ATP4A: variants seen among roughly 807,000 people sequenced by gnomAD.
The protein encoded by ATP4A is potassium-transporting ATPase alpha chain 1.
Under a neutral mutation model 112.1 loss-of-function variants are expected in ATP4A, and 73 were observed. The ratio of observed to expected loss-of-function variants is 0.65; its 90% CI spans 0.54 to 0.79. ATP4A has a LOEUF of 0.79. Ranked by LOEUF, ATP4A falls within the 30% of genes least tolerant of loss-of-function variation. ATP4A has a pLI of 0.00. For synonymous variants in ATP4A, 588 were observed against 588.9 expected (o/e 1.00, Z 0.02); for missense variants, 1,081 against 1,425.9 (o/e 0.76, Z 3.90).
Position 35,550,845 on chromosome 19 carries a change from C to A in ATP4A, c.3068G>T (p.Cys1023Phe). 1 of 1,614,082 alleles carries A rather than the reference C, an allele frequency of 6.2e-7. No homozygotes were observed. Among genetic ancestry groups the A allele is most frequent in the Non-Finnish European group, 8.5e-7 (1 of 1,179,942 alleles). ...YDEIRKLGVR[C>F]CPGSWWDQEL... ...GTCTCCACACTCACTCCCTGGGCAA[C>A]AGCGAACTCCAAGCTTCCGGATCTC... is the stretch of plus-strand genomic sequence containing the variant. Residue 1023 changes from cysteine to phenylalanine, a missense_variant, in exon 21 of 22, where the codon TGT becomes TTT. Cys to Phe is a radical substitution (Grantham distance 205). This residue lies in a region of ATP4A where 219 missense variants were observed against 320.9 expected (regional missense o/e 0.68). Transcript: ENST00000262623. This position sits in a 1 kb window ranked among gnomAD's most constrained non-coding sequence, Gnocchi z 4.1.
Position 35,559,297 on chromosome 19 carries a change from G to A in ATP4A, c.1057-106C>T, listed in dbSNP as rs761379505. ...CTTTACCCCAGCCGCGGGGCTGCGT[G>A]TGCAACGTGCTTCTGCAAACACCAG... On this transcript the variant is annotated intron_variant, in intron 7 of 21. Transcript: ENST00000262623. The surrounding 1 kb of genome is among the most constrained non-coding windows in gnomAD (Gnocchi z 4.1). 4 of 1,196,432 alleles carry A rather than the reference G, an allele frequency of 3.3e-6. No homozygotes were observed. The highest frequency in any genetic ancestry group is 4.8e-6 in the Non-Finnish European group (4 of 833,902). The allele number at this position is 1,196,432 out of a possible 1,614,324, so 74.1% of individuals were successfully genotyped here.
chr19:35,553,315 G>C (rs1410758471), intron 17 of ATP4A, 133 bp from the exon 18 acceptor site: 7 of 1,067,406 alleles, frequency 6.6e-6, no homozygotes, highest in Non-Finnish European at 7.9e-6. Flanking sequence ...CACGGGAAGA[G>C]AGACAGGGAC....
chr19:35,554,789 G>A, intron 16 of ATP4A, 133 bp downstream of exon 16: 1 of 1,303,366 alleles, frequency 7.7e-7, no homozygotes, highest in Admixed American at 2.1e-5. Context: ...TGCACTGGCT[G>A]TCATTGCACA....
Position 35,553,734 on chromosome 19 carries a change from G to T in ATP4A, c.2577C>A (p.Pro859=). Residue 859 remains proline (P), a synonymous_variant, in exon 17 of 22, where the codon CCC becomes CCA. Coordinates refer to ENST00000262623, the MANE Select transcript of ATP4A (RefSeq NM_000704.3). The part of the protein sequence containing the change: ...NPKRDRLVNE[P]LAAYSYFQIG... Reference sequence around the variant, plus strand: ...TCTGGAAGTAGGAGTAGGCAGCCAGGGGCTCGTTGACCAATCTGTCACGCT... The same window carrying T: ...TCTGGAAGTAGGAGTAGGCAGCCAGTGGCTCGTTGACCAATCTGTCACGCT... 6.2e-7 allele frequency: 1 copy of T among 1,613,684 alleles called. No individual in the cohort carries two copies. The highest frequency in any genetic ancestry group is 1.1e-5 in the South Asian group (1 of 90,972).
Position 35,553,117 on chromosome 19 carries a change from G to A in ATP4A, c.2671C>T (p.Pro891Ser). Reference protein sequence around the residue: ...FTAMAQEGWFPLLCVGLRAQW... With the variant: ...FTAMAQEGWFSLLCVGLRAQW... ...GCCCGCAGCCCCACGCACAGCAGTG[G>A]GAACCAGCCCTCCTGGGCCATTGCC... Residue 891 changes from proline to serine, a missense_variant, in exon 18 of 22, where the codon CCA becomes TCA. By Grantham distance (74) the Pro-to-Ser change is moderately conservative. Transcript: ENST00000262623. 6.2e-7 allele frequency: 1 copy of A among 1,611,188 alleles called. No homozygotes were observed. Among genetic ancestry groups the A allele is most frequent in the South Asian group, 1.1e-5 (1 of 90,968 alleles).
At position 35,559,589 on chromosome 19, in the gene ATP4A, C is replaced by T. The variant is rs1445757509; in HGVS notation, c.1056+216G>A. ...CCTCTTCCAGTTAAGGACCCGGCCT[C>T]GTCATCTCTGCGCCCTCAATGTGTG... On this transcript the variant is annotated intron_variant, in intron 7 of 21. Coordinates refer to ENST00000262623, the MANE Select transcript of ATP4A (RefSeq NM_000704.3). The surrounding 1 kb of genome is among the most constrained non-coding windows in gnomAD (Gnocchi z 4.1). Among the ~76,000 whole-genome samples, 2 of 152,350 alleles carry T rather than the reference C, an allele frequency of 1.3e-5. No homozygotes were observed. The highest frequency in any genetic ancestry group is 3.9e-4 in the East Asian group (2 of 5,188).
Position 35,563,501 on chromosome 19 carries a change from C to G in ATP4A, c.39G>C (p.Glu13Asp). Residue 13 changes from glutamate to aspartate, a missense_variant, in exon 2 of 22, where the codon GAG becomes GAC. By Grantham distance (45) the Glu-to-Asp change is conservative (BLOSUM62 2). Around this residue, in one of 3 missense-constraint regions of ATP4A, gnomAD observed 850 missense variants for 1,068.2 expected, o/e 0.80. Transcript: ENST00000262623. ...TGTCCCCGCCAGGGCCAGGACCCAG[C>G]TCCACCGAGTAGAGCTCATAGTTCT... ...KAENYELYSV[E>D]LGPGPGGDMA... 1 of 1,614,094 alleles carries G rather than the reference C, an allele frequency of 6.2e-7. No individual in the cohort carries two copies. The highest frequency in any genetic ancestry group is 8.5e-7 in the Non-Finnish European group (1 of 1,180,018).
In ATP4A at chr19:35,553,129, C is replaced by T; in HGVS notation, c.2659G>A (p.Glu887Lys). ...ACGCACAGCAGTGGGAACCAGCCCT[C>T]CTGGGCCATTGCCGTGAAGTAGTCA... ...FTDYFTAMAQ[E>K]GWFPLLCVGL... The change falls in exon 18 of 22, where the codon GAG (glutamate) becomes AAG (lysine). Residue 887 changes from glutamate to lysine, a missense_variant. This residue lies in a region of ATP4A where 219 missense variants were observed against 320.9 expected (regional missense o/e 0.68). Coordinates refer to ENST00000262623, the MANE Select transcript of ATP4A (RefSeq NM_000704.3). 6.2e-7 allele frequency: 1 copy of T among 1,610,164 alleles called. No homozygotes were observed. The highest frequency in any genetic ancestry group is 8.5e-7 in the Non-Finnish European group (1 of 1,176,766).
chr19:35,558,500 G>A lies in ATP4A; in HGVS notation c.1366-4C>T. ...ATGCGTCTCCAATCACGATGCGCTG[G>A]GAGCGGGGACCGGTGTCAGGGGCGA... On this transcript the variant is annotated splice_region_variant and splice_polypyrimidine_tract_variant and intron_variant, in intron 9 of 21. Transcript: ENST00000262623. This position sits in a 1 kb window ranked among gnomAD's most constrained non-coding sequence, Gnocchi z 5.1. 1 of 1,593,782 alleles carries A rather than the reference G, an allele frequency of 6.3e-7. No homozygotes were observed. The highest frequency in any genetic ancestry group is 8.5e-7 in the Non-Finnish European group (1 of 1,171,016).
intron 16 of ATP4A, 110 bp downstream of exon 16, chr19:35,554,812 C>A: frequency 6.8e-7 from 1 of 1,464,896 alleles, no homozygotes; most frequent in Non-Finnish European, 9.4e-7. Flanking sequence ...CAGGTCTTGT[C>A]TGTCACTCTG....
Position 35,550,358 on chromosome 19 carries a change from C to T in ATP4A, c.*257G>A. The T allele has an allele frequency of 3.6e-6, 2 of 551,850 alleles. No homozygotes were observed. The highest frequency in any genetic ancestry group is 6.5e-6 in the Non-Finnish European group (2 of 309,818). 34.2% of individuals were successfully genotyped at this position (551,850 alleles called of 1,614,324 possible). On this transcript the variant is annotated 3_prime_UTR_variant, in exon 22 of 22. Transcript: ENST00000262623. The surrounding 1 kb of genome is among the most constrained non-coding windows in gnomAD (Gnocchi z 4.1). ...CTCCCTGTCAGAGCCCCACCGCCACCACAGGTGGCGGCTTTCCCGAGGCCA... is the reference window on the plus strand; with the variant it reads ...CTCCCTGTCAGAGCCCCACCGCCACTACAGGTGGCGGCTTTCCCGAGGCCA...
chr19:35,555,088 G>A lies in ATP4A; in HGVS notation c.2327-12C>T, dbSNP rs1193106604. 1 of 1,612,824 alleles carries A rather than the reference G, an allele frequency of 6.2e-7. No homozygotes were observed. The highest frequency in any genetic ancestry group is 1.3e-5 in the African/African-American group (1 of 74,874). Reference sequence around the variant, plus strand: ...GAAGATCAGTCGACCTGTGGGGTAGGGTGGGCACCTCAGCCTCCTCACAGC... The same window carrying A: ...GAAGATCAGTCGACCTGTGGGGTAGAGTGGGCACCTCAGCCTCCTCACAGC... On this transcript the variant is annotated splice_polypyrimidine_tract_variant and intron_variant, in intron 15 of 21. Transcript: ENST00000262623. The surrounding 1 kb of genome is among the most constrained non-coding windows in gnomAD (Gnocchi z 6.6).
chr19:35,553,622 G>A (rs2251124), intron 17 of ATP4A, 84 bp downstream of exon 17: 986,164 of 1,549,006 alleles, frequency 0.64, 315,414 homozygotes, highest in East Asian at 0.76. Flanking sequence ...AGAACCAGCC[G>A]GAGCCCAAGG....
At position 35,558,016 on chromosome 19, in the gene ATP4A, C is replaced by T. The variant is rs1323695078; in HGVS notation, c.1501-169G>A. The T allele has an allele frequency of 6.3e-6, 4 of 637,794 alleles. No homozygotes were observed. The highest frequency in any genetic ancestry group is 1.1e-5 in the Non-Finnish European group (4 of 378,028). The allele number at this position is 637,794 out of a possible 1,614,324, so 39.5% of individuals were successfully genotyped here. ...AGATGGAGGCCTTGTGTGGAGGGGT[C>T]CTTGGTAGAAGGTAAGCGTTAAGGC... On this transcript the variant is annotated intron_variant, in intron 10 of 21. Coordinates refer to ENST00000262623, the MANE Select transcript of ATP4A (RefSeq NM_000704.3). This position sits in a 1 kb window ranked among gnomAD's most constrained non-coding sequence, Gnocchi z 5.1.
At position 35,551,657 on chromosome 19, in the gene ATP4A, A is replaced by T; in HGVS notation, c.2752-77T>A. On this transcript the variant is annotated intron_variant, in intron 18 of 21. Transcript: ENST00000262623. This position sits in a 1 kb window ranked among gnomAD's most constrained non-coding sequence, Gnocchi z 5.2. ...GGAGAGCCTCTGCAGCCCACCGGGC[A>T]TAGGGTCCCAGGGCCGTGAACCCCT... 6.5e-7 allele frequency: 1 copy of T among 1,549,176 alleles called. No individual in the cohort carries two copies. Among genetic ancestry groups the T allele is most frequent in the South Asian group, 1.2e-5 (1 of 84,662 alleles).
At chr19:35,556,164 G>A (rs542387030) in intron 12 of ATP4A, among the ~76,000 whole-genome samples, 43 of 152,322 alleles carry the variant, frequency 2.8e-4, no homozygotes, top group East Asian at 2.3e-3. Context: ...AGTCAGCCAC[G>A]TGGAAAGCTG....
At chr19:35,552,898 G>C (rs915224433) in intron 18 of ATP4A, 139 bp downstream of exon 18, 1 of 1,132,622 alleles carries the variant, frequency 8.8e-7, no homozygotes, top group Non-Finnish European at 1.2e-6. Context: ...TTGCCCCCCC[G>C]AACTGGCAGG....
rs141068186 is a variant in ATP4A at position 35,553,022 on chromosome 19, C to T, written c.2751+15G>A. On this transcript the variant is annotated intron_variant, in intron 18 of 21. Transcript: ENST00000262623. ...GAGGGAGCCCAGGGATGGGATGGGGCGGGGCAGGGCTCACCCACTCCTGGC... is the reference window on the plus strand; with the variant it reads ...GAGGGAGCCCAGGGATGGGATGGGGTGGGGCAGGGCTCACCCACTCCTGGC... 5.8e-5 allele frequency: 92 copies of T among 1,578,086 alleles called. No individual in the cohort carries two copies. The highest frequency in any genetic ancestry group is 3.5e-4 in the Middle Eastern group (2 of 5,684).
Position 35,551,237 on chromosome 19 carries a change from A to G in ATP4A, c.2886-126T>C. On this transcript the variant is annotated intron_variant, in intron 19 of 21. Transcript: ENST00000262623. The surrounding 1 kb of genome is among the most constrained non-coding windows in gnomAD (Gnocchi z 5.2). The stretch of plus-strand genomic sequence containing the variant: ...AGGTGTTCTACACACTGAACACTGG[A>G]GTGGCCCGGGCCTCTCAGCACCACC... The G allele has an allele frequency of 1.7e-6, 2 of 1,187,996 alleles. No homozygotes were observed. Among genetic ancestry groups the G allele is most frequent in the Non-Finnish European group, 1.2e-6 (1 of 833,068 alleles). 73.6% of individuals were successfully genotyped at this position (1,187,996 alleles called of 1,614,324 possible).
Sources: gnomAD v4.1 joint callset for allele counts (sites outside exome capture counted in the v4.1 genomes callset) on GRCh38, gnomAD v4.1.1 for gene constraint, gnomAD v4.1.1 regional missense constraint, Gnocchi (gnomAD v3.1) non-coding constraint, MANE v1.5 for transcripts, NCBI Gene and HGNC (gene_info 2026-07-23, HGNC 2026-07-21) for gene names.